Variants in P2RY14 observed in about 807,000 individuals in gnomAD.
P2RY14 encodes P2Y purinoceptor 14.
P2RY14 carries 2 observed loss-of-function variants against 0.9 expected under a neutral mutation model. The observed-to-expected ratio is 2.16, with a 90% CI of 0.88 to 6.79. The LOEUF (loss-of-function observed/expected upper bound fraction) is 6.79. Among genes scored for constraint, P2RY14 ranks in the 30% most tolerant of loss-of-function variants. P2RY14 has a pLI of 0.05. For synonymous variants in P2RY14, 158 were observed against 147.2 expected (o/e 1.07, Z -0.53); for missense variants, 378 against 400.1 (o/e 0.94, Z 0.47).
intron 1 of P2RY14, among the ~76,000 whole-genome samples, chr3:151,220,569 G>T (rs912644571): frequency 6.6e-6 from 1 of 152,192 alleles, no homozygotes; most frequent in African/African-American, 2.4e-5. Context: ...AATTATGGGG[G>T]TGGGTCTTTC....
chr3:151,218,577 G>C lies in P2RY14; in HGVS notation c.-25+958C>G, dbSNP rs566448422. The stretch of plus-strand genomic sequence containing the variant: ...TATATATAGCTAAACTTTTTAAAAA[G>C]GAATACTGTGGCCGGGCACGGTGGC... On this transcript the variant is annotated intron_variant, in intron 2 of 2. Coordinates refer to ENST00000309170, the MANE Select transcript of P2RY14 (RefSeq NM_014879.4). Among the ~76,000 whole-genome samples, 98 of 152,156 alleles carry C rather than the reference G, an allele frequency of 6.4e-4. 1 individual carries two copies. In the South Asian group the frequency reaches 0.014, roughly 22 times the overall value.
chr3:151,252,795 C>T (rs189412044), intron 1 of P2RY14, among the ~76,000 whole-genome samples: 36 of 152,144 alleles, frequency 2.4e-4, no homozygotes, highest in African/African-American at 8.4e-4. Context: ...TAGATAAGTT[C>T]TAGAACTTAT....
At chr3:151,229,116 C>G (rs548927163) in intron 1 of P2RY14, among the ~76,000 whole-genome samples, 3 of 152,044 alleles carry the variant, frequency 2.0e-5, no homozygotes. Flanking sequence ...GCTTATATAG[C>G]CAAAGGAAAA....
chr3:151,265,170 G>A (rs1739600571), intron 1 of P2RY14, among the ~76,000 whole-genome samples: 1 of 152,208 alleles, frequency 6.6e-6, no homozygotes, highest in Admixed American at 6.5e-5. Flanking sequence ...CACAGTGGAA[G>A]TATTCAGTTA....
At chr3:151,268,756 G>A (rs1210054998) in intron 1 of P2RY14, among the ~76,000 whole-genome samples, 1 of 152,138 alleles carries the variant, frequency 6.6e-6, no homozygotes, top group African/African-American at 2.4e-5. Flanking sequence ...TCTCTGCAGA[G>A]AGCTACTAAC....
intron 1 of P2RY14, chr3:151,270,242 T>TGTGTGTG (rs1553764758): frequency 5.9e-4 from 91 of 155,158 alleles, no homozygotes; most frequent in South Asian, 1.0e-3. Context: ...TGTGTGTGTG[T>TGTGTGTG]TTTCTTTTGG....
Position 151,213,582 on chromosome 3 carries a change from A to C in P2RY14, c.735T>G (p.Cys245Trp). Reference protein sequence around the residue: ...IFSIVFVFFVCFVPYHIARIP... With the variant: ...IFSIVFVFFVWFVPYHIARIP... ...TTCTGGCAATATGGTAAGGTACAAAACAGACAAAAAACACAAACACGATGC... is the reference window on the plus strand; with the variant it reads ...TTCTGGCAATATGGTAAGGTACAAACCAGACAAAAAACACAAACACGATGC... The change falls in exon 3 of 3, where the codon TGT (cysteine) becomes TGG (tryptophan). Residue 245 changes from cysteine to tryptophan, a missense_variant. Coordinates refer to ENST00000309170, the MANE Select transcript of P2RY14 (RefSeq NM_014879.4). 6.2e-7 allele frequency: 1 copy of C among 1,614,188 alleles called. No individual in the cohort carries two copies. The highest frequency in any genetic ancestry group is 8.5e-7 in the Non-Finnish European group (1 of 1,180,030).
intron 1 of P2RY14, among the ~76,000 whole-genome samples, chr3:151,263,057 G>C (rs1450468317): frequency 6.6e-6 from 1 of 152,068 alleles, no homozygotes. Flanking sequence ...GTGGGGTGGC[G>C]TTGGGGAAGA....
At chr3:151,257,301 G>A (rs950017605) in intron 1 of P2RY14, among the ~76,000 whole-genome samples, 3 of 152,180 alleles carry the variant, frequency 2.0e-5, no homozygotes, top group East Asian at 1.9e-4. Context: ...TTTCCACTGC[G>A]TATTAATCTC....
intron 1 of P2RY14, among the ~76,000 whole-genome samples, chr3:151,246,468 A>ATG (rs1735507795): frequency 2.0e-5 from 3 of 152,094 alleles, no homozygotes; most frequent in Non-Finnish European, 2.9e-5. Context: ...ATAACGCCGC[A>ATG]TATCTACAAC....
At chr3:151,229,977 T>C (rs1236118366) in intron 1 of P2RY14, among the ~76,000 whole-genome samples, 1 of 151,928 alleles carries the variant, frequency 6.6e-6, no homozygotes, top group East Asian at 1.9e-4. Context: ...TTGTTTTTTG[T>C]TTTTGTTTTG....
At chr3:151,269,841 G>A (rs1425138428) in intron 1 of P2RY14, 1 of 447,996 alleles carries the variant, frequency 2.2e-6, no homozygotes, top group South Asian at 1.6e-5. Context: ...CAAACGCAGA[G>A]TAAAGTCAGC....
rs376561437 is a variant in P2RY14, at chr3:151,218,573, A to G, written c.-25+962T>C. On this transcript the variant is annotated intron_variant, in intron 2 of 2. Transcript: ENST00000309170. ...TTCATATATATAGCTAAACTTTTTA[A>G]AAAGGAATACTGTGGCCGGGCACGG... 1.5e-3 allele frequency among the ~76,000 whole-genome samples: 231 copies of G among 152,260 alleles called. 5 individuals are homozygous for G. The South Asian group carries it at 0.043, about 28-fold the overall frequency.
intron 1 of P2RY14, among the ~76,000 whole-genome samples, chr3:151,276,478 C>T (rs527929390): frequency 1.3e-5 from 2 of 152,304 alleles, no homozygotes; most frequent in African/African-American, 4.8e-5. Flanking sequence ...GTCAGCCTAC[C>T]TCCTGGACTG....
intron 1 of P2RY14, among the ~76,000 whole-genome samples, chr3:151,256,583 C>T (rs1257067350): frequency 6.7e-6 from 1 of 149,734 alleles, no homozygotes; most frequent in African/African-American, 2.5e-5. Context: ...AACATGTGGT[C>T]CTAAAGTACC....
chr3:151,277,101 G>T (rs185511194), intron 1 of P2RY14, among the ~76,000 whole-genome samples: 1 of 151,816 alleles, frequency 6.6e-6, no homozygotes, highest in Admixed American at 6.6e-5. Context: ...GTTTTACCAC[G>T]TTGGCCAGGC....
At chr3:151,245,036 C>T (rs1735096678) in intron 1 of P2RY14, among the ~76,000 whole-genome samples, 1 of 152,214 alleles carries the variant, frequency 6.6e-6, no homozygotes, top group South Asian at 2.1e-4. Context: ...GGATAAATTC[C>T]TTGACACATA....
rs55920434 is a variant in P2RY14, at chr3:151,270,196, CGTGTGTGTGTGT to C, written c.-133+8079_-133+8090del. ...TCTCCAGTTCCTGGGAGCAAGCTGT[CGTGTGTGTGTGT>C]GTGTGTGTGTGTGTGTGTGTGTGTG... On this transcript the variant is annotated intron_variant, in intron 1 of 2. Coordinates refer to ENST00000309170, the MANE Select transcript of P2RY14 (RefSeq NM_014879.4). The C allele has an allele frequency of 1.3e-3, 175 of 129,702 alleles. 2 individuals carry two copies. The highest frequency in any genetic ancestry group is 3.8e-3 in the Middle Eastern group (1 of 266). The allele number at this position is 129,702 out of a possible 1,614,324, so 8.0% of individuals were successfully genotyped here. A position where few individuals can be genotyped will look rare whatever the true frequency, so the allele number is the denominator to read the frequency against.
chr3:151,256,012 G>T (rs1236278490), intron 1 of P2RY14, among the ~76,000 whole-genome samples: 3 of 152,152 alleles, frequency 2.0e-5, no homozygotes, highest in Admixed American at 2.0e-4. Context: ...TTTTTACTAT[G>T]ACAGGCTAAT....
Sources: allele counts gnomAD v4.1 joint callset (sites outside exome capture counted in the v4.1 genomes callset), GRCh38; gene constraint gnomAD v4.1.1; transcripts MANE v1.5; gene names NCBI Gene and HGNC (gene_info 2026-07-23, HGNC 2026-07-21).